ZC3H12B: variants seen among roughly 807,000 people sequenced by gnomAD.
The protein encoded by ZC3H12B is probable ribonuclease ZC3H12B.
A neutral mutation model predicts 43.9 loss-of-function variants in ZC3H12B; 7 were observed. The ratio of observed to expected loss-of-function variants is 0.16; its 90% confidence interval spans 0.09 to 0.30. The LOEUF (loss-of-function observed/expected upper bound fraction) is 0.30, where lower values mean the gene tolerates loss of function less well. Ranked by LOEUF, ZC3H12B falls within the 10% of genes least tolerant of loss-of-function variation. ZC3H12B has a pLI of 1.00. For synonymous variants in ZC3H12B, 222 were observed against 241.7 expected (o/e 0.92, Z 0.76); for missense variants, 475 against 670.2 (o/e 0.71, Z 3.22).
At chrX:65,291,103 C>A in the ZC3H12B span, among the ~76,000 whole-genome samples, 1 of 110,610 alleles carries the variant, frequency 9.0e-6, no homozygotes, top group South Asian at 3.8e-4. Flanking sequence ...AATGAGATAT[C>A]ACTTCACATC....
chrX:65,349,372 G>A, the ZC3H12B span, among the ~76,000 whole-genome samples: 4 of 112,195 alleles, frequency 3.6e-5, no homozygotes, highest in Non-Finnish European at 7.5e-5. Flanking sequence ...GCACTGTGTA[G>A]AGGGAAGTTT....
At chrX:65,462,238 C>T (rs1035010994) in intron 3 of ZC3H12B, among the ~76,000 whole-genome samples, 1 of 111,048 alleles carries the variant, frequency 9.0e-6, no homozygotes, top group Non-Finnish European at 1.9e-5. Flanking sequence ...AGGCCGGGCA[C>T]GGTGGCTCAC....
chrX:65,247,689 A>G, the ZC3H12B span, among the ~76,000 whole-genome samples: 1 of 112,200 alleles, frequency 8.9e-6, no homozygotes, highest in African/African-American at 3.2e-5. Context: ...CAGAATTATG[A>G]GAACACATGG....
the ZC3H12B span, among the ~76,000 whole-genome samples, chrX:65,080,842 C>A: frequency 1.8e-5 from 2 of 111,468 alleles, no homozygotes; most frequent in Non-Finnish European, 3.8e-5. Context: ...TATAACATGT[C>A]ACTGTGGTAT....
chrX:65,270,880 C>T, the ZC3H12B span: 10 of 111,111 alleles, frequency 9.0e-5, no homozygotes, highest in Admixed American at 3.8e-4. Flanking sequence ...AGGCCTCAGA[C>T]CATGGCATCC....
At chrX:65,407,296 C>G (rs1453978235) in intron 3 of ZC3H12B, among the ~76,000 whole-genome samples, 3 of 95,028 alleles carry the variant, frequency 3.2e-5, no homozygotes, top group Non-Finnish European at 4.3e-5. Context: ...ATTTGCGGGA[C>G]TGCTCTCGGT....
chrX:65,310,506 C>A, the ZC3H12B span, among the ~76,000 whole-genome samples: 1 of 111,566 alleles, frequency 9.0e-6, no homozygotes, highest in Non-Finnish European at 1.9e-5. Context: ...AAAAGACAAA[C>A]AAATGGAAGA....
intron 3 of ZC3H12B, among the ~76,000 whole-genome samples, chrX:65,410,784 C>G (rs774218263): frequency 4.5e-5 from 5 of 112,056 alleles, no homozygotes; most frequent in Non-Finnish European, 9.4e-5. Context: ...GTGCAAATAG[C>G]TTATATCCAA....
At chrX:65,419,258 C>T (rs961472596) in intron 3 of ZC3H12B, among the ~76,000 whole-genome samples, 2 of 112,020 alleles carry the variant, frequency 1.8e-5, no homozygotes, top group African/African-American at 6.5e-5. Context: ...CTAGGAAAAT[C>T]ATAAACCAAA....
the ZC3H12B span, among the ~76,000 whole-genome samples, chrX:65,243,311 G>C: frequency 8.9e-6 from 1 of 112,205 alleles, no homozygotes; most frequent in East Asian, 2.8e-4. Context: ...TGAAAGATCT[G>C]AATACACATT....
chrX:65,463,134 G>A (rs759026094), intron 3 of ZC3H12B, among the ~76,000 whole-genome samples: 64 of 111,846 alleles, frequency 5.7e-4, no homozygotes, highest in African/African-American at 2.0e-3. Context: ...AGGAAGAAAT[G>A]TGGGGAAGGG....
the ZC3H12B span, among the ~76,000 whole-genome samples, chrX:65,227,358 G>A: frequency 9.0e-6 from 1 of 111,668 alleles, no homozygotes; most frequent in Non-Finnish European, 1.9e-5. Context: ...CAACATACCA[G>A]AATCTCTAGG....
the ZC3H12B span, among the ~76,000 whole-genome samples, chrX:65,108,875 A>C: frequency 9.0e-6 from 1 of 111,565 alleles, no homozygotes; most frequent in African/African-American, 3.3e-5. Flanking sequence ...TTGCAGAGTC[A>C]CTAGATGATG....
At chrX:65,450,328 C>A (rs1262097095) in intron 3 of ZC3H12B, among the ~76,000 whole-genome samples, 1 of 78,432 alleles carries the variant, frequency 1.3e-5, no homozygotes, top group South Asian at 6.4e-4. Context: ...TATATATATA[C>A]ATATATATGT....
rs764759387 is a variant in ZC3H12B at position 65,456,866 on chromosome X, C to T, written n.408-31780C>T. On this transcript the variant is annotated intron_variant and non_coding_transcript_variant, in intron 3 of 5. Transcript: ENST00000617377. ...TGCAGCCTCTGCCCAGCCGCCACCC[C>T]GTCTGGGAAGTGAGGAGCGTCTCTG... Among the ~76,000 whole-genome samples the T allele has an allele frequency of 6.9e-3, 753 of 109,275 alleles. 9 individuals carry two copies. Among genetic ancestry groups the T allele is most frequent in the African/African-American group, 0.023 (687 of 29,974 alleles). The allele number at this position is 109,275 out of a possible 115,157, so 94.9% of individuals were successfully genotyped here.
the ZC3H12B span, among the ~76,000 whole-genome samples, chrX:65,205,315 C>T: frequency 9.0e-6 from 1 of 111,092 alleles, no homozygotes; most frequent in Non-Finnish European, 1.9e-5. Flanking sequence ...CACTTACCAG[C>T]AAAAGAAGTA....
chrX:65,119,905 C>A, the ZC3H12B span, among the ~76,000 whole-genome samples: 2 of 111,670 alleles, frequency 1.8e-5, no homozygotes, highest in Non-Finnish European at 3.8e-5. Flanking sequence ...AAATAGGGAA[C>A]CCTTTCCCCA....
At chrX:65,349,968 A>T in the ZC3H12B span, among the ~76,000 whole-genome samples, 1 of 112,108 alleles carries the variant, frequency 8.9e-6, no homozygotes, top group Admixed American at 9.4e-5. Context: ...AACTATTCCA[A>T]ACAATAGAAA....
the ZC3H12B span, among the ~76,000 whole-genome samples, chrX:65,084,514 C>T: frequency 8.9e-6 from 1 of 112,412 alleles, no homozygotes; most frequent in African/African-American, 3.2e-5. Flanking sequence ...AGTTGCTCAA[C>T]GTCATTGATC....
Sources: allele counts gnomAD v4.1 joint callset (sites outside exome capture counted in the v4.1 genomes callset), GRCh38; gene constraint gnomAD v4.1.1; transcripts MANE v1.5; gene names NCBI Gene and HGNC (gene_info 2026-07-23, HGNC 2026-07-21).